BRCA1: variants seen among roughly 807,000 people sequenced by gnomAD.
The protein encoded by BRCA1 is BRCA1 DNA repair associated, also known as breast cancer type 1 susceptibility protein.
BRCA1 carries 140 observed loss-of-function variants against 173.7 expected under a neutral mutation model. The ratio of observed to expected loss-of-function variants is 0.81; its 90% CI spans 0.70 to 0.93. The LOEUF (loss-of-function observed/expected upper bound fraction) is 0.93. BRCA1 is among the 40% of genes least tolerant of loss of function. The pLI is 0.00. For synonymous variants in BRCA1, 662 were observed against 756.0 expected, an observed-to-expected ratio of 0.88 and a Z score of 2.04; for missense variants, 1,983 against 2,172.5, an observed-to-expected ratio of 0.91 and a Z score of 1.73.
intron 1 of BRCA1, among the ~76,000 whole-genome samples, chr17:43,131,483 T>G (rs2055965117): frequency 6.6e-6 from 1 of 152,046 alleles, no homozygotes; most frequent in African/African-American, 2.4e-5. Flanking sequence ...GTGGGAACAG[T>G]AGGGACAGAA....
At position 43,044,808 on chromosome 17, in the gene BRCA1, T is replaced by A. The variant is rs1252316686; in HGVS notation, c.*870A>T. The A allele has an allele frequency of 4.3e-6, 1 of 232,130 alleles. No individual in the cohort carries two copies. The highest frequency in any genetic ancestry group is 4.6e-5 in the Admixed American group (1 of 21,818). The allele number at this position is 232,130 out of a possible 1,614,324, so 14.4% of individuals were successfully genotyped here. On this transcript the variant is annotated 3_prime_UTR_variant, in exon 23 of 23. Coordinates refer to ENST00000357654, the MANE Select transcript of BRCA1 (RefSeq NM_007294.4). ...ATCTCTTCTAGTTTCATTTTCCTTT[T>A]TTTTTTTTTTTTTTTGAGCCACAGT...
At chr17:43,169,977 G>A (rs1193408184) in intron 1 of BRCA1, 1 of 469,688 alleles carries the variant, frequency 2.1e-6, no homozygotes, top group Non-Finnish European at 4.3e-6. Flanking sequence ...TACACTGGCT[G>A]CTTTAATAAG....
chr17:43,057,294 GAGGTC>G (rs2051542550), intron 18 of BRCA1, among the ~76,000 whole-genome samples, 159 bp from the exon 19 acceptor site: 1 of 152,158 alleles, frequency 6.6e-6, no homozygotes, highest in Admixed American at 6.6e-5. Context: ...CAGATCACTT[GAGGTC>G]AGGAGTTCGA....
rs80358032 is a variant in BRCA1, at chr17:43,067,602, G to C, written c.5074+6C>G. 3.2e-5 allele frequency: 51 copies of C among 1,600,484 alleles called. No homozygotes were observed. The highest frequency in any genetic ancestry group is 1.6e-4 in the Middle Eastern group (1 of 6,062). On this transcript the variant is annotated splice_donor_region_variant and intron_variant, in intron 16 of 22. Coordinates refer to ENST00000357654, the MANE Select transcript of BRCA1 (RefSeq NM_007294.4). ...GCAAGGTATTCTGTAAAGGTTCTTG[G>C]TATACCTGTTTTCATAACAACATGA...
chr17:43,059,958 T>C (rs1436008077), intron 18 of BRCA1, among the ~76,000 whole-genome samples: 1 of 152,122 alleles, frequency 6.6e-6, no homozygotes, highest in Non-Finnish European at 1.5e-5. Context: ...CAGCCTGGAG[T>C]GCAGTGGCGC....
At chr17:43,168,533 G>C (rs2056284113) in intron 1 of BRCA1, among the ~76,000 whole-genome samples, 1 of 152,162 alleles carries the variant, frequency 6.6e-6, no homozygotes, top group Non-Finnish European at 1.5e-5. Flanking sequence ...CCAGCTACTC[G>C]GGAGCTGAGG....
At position 43,094,085 on chromosome 17, in the gene BRCA1, A is replaced by G. The variant is rs1597875988; in HGVS notation, c.1446T>C (p.Ile482=). The part of the protein sequence containing the change: ...PNLSHVTENL[I]IGAFVTEPQI... ...GTGGCTCAGTAACAAATGCTCCTAT[A>G]ATTAGATTTTCAGTTACATGGCTTA... The change falls in exon 10 of 23, where the codon ATT becomes ATC. Residue 482 remains isoleucine (I), a synonymous_variant. Coordinates refer to ENST00000357654, the MANE Select transcript of BRCA1 (RefSeq NM_007294.4). 6.2e-7 allele frequency: 1 copy of G among 1,613,876 alleles called. No homozygotes were observed.
intron 20 of BRCA1, 119 bp from the exon 21 acceptor site, chr17:43,049,313 C>G: frequency 2.3e-6 from 2 of 886,484 alleles, no homozygotes; most frequent in Non-Finnish European, 3.7e-6. Flanking sequence ...GAGAGTCTGT[C>G]TCTCTGCTCC....
chr17:43,087,723 T>C (rs2053284484), intron 11 of BRCA1, among the ~76,000 whole-genome samples: 1 of 151,268 alleles, frequency 6.6e-6, no homozygotes, highest in Non-Finnish European at 1.5e-5. Flanking sequence ...TAGATTATAA[T>C]GCACAGAATT....
At chr17:43,143,060 A>G (rs2056090991) in intron 1 of BRCA1, among the ~76,000 whole-genome samples, 1 of 149,396 alleles carries the variant, frequency 6.7e-6, no homozygotes, top group Non-Finnish European at 1.5e-5. Context: ...ATGTGTATAT[A>G]TATATGTATA....
chr17:43,129,558 C>CT (rs1242212915), upstream of BRCA1, among the ~76,000 whole-genome samples: 1 of 151,926 alleles, frequency 6.6e-6, no homozygotes, highest in African/African-American at 2.4e-5. Flanking sequence ...ACTGCGAACT[C>CT]TGTCTCCCGG....
chr17:43,159,357 T>C (rs2056219370), intron 1 of BRCA1: 2 of 158,248 alleles, frequency 1.3e-5, no homozygotes, highest in Admixed American at 6.5e-5. Flanking sequence ...GCGGCTGGCC[T>C]GGCAGGGGCT....
upstream of BRCA1, among the ~76,000 whole-genome samples, chr17:43,128,257 CAACTCCAGACGGGAGGAACGAACA>C (rs1304872154): frequency 6.6e-6 from 1 of 152,046 alleles, no homozygotes; most frequent in African/African-American, 2.4e-5. Context: ...GAGGAATGAA[CAACTCCAGACGGGAGGAACGAACA>C]AACTCCAGAC....
At chr17:43,168,840 A>G (rs1012796823) in intron 1 of BRCA1, among the ~76,000 whole-genome samples, 3 of 152,108 alleles carry the variant, frequency 2.0e-5, no homozygotes, top group African/African-American at 7.2e-5. Context: ...TGACCGGGTA[A>G]GTGGTGAGCT....
intron 12 of BRCA1, among the ~76,000 whole-genome samples, chr17:43,080,104 T>G (rs989029240): frequency 6.6e-6 from 1 of 152,154 alleles, no homozygotes; most frequent in African/African-American, 2.4e-5. Flanking sequence ...TTTCAGAATA[T>G]TATTGTAGTT....
intron 1 of BRCA1, among the ~76,000 whole-genome samples, chr17:43,141,891 G>A (rs1233056056): frequency 2.0e-5 from 3 of 152,130 alleles, no homozygotes; most frequent in African/African-American, 7.2e-5. Flanking sequence ...TGGGAGCCCA[G>A]CAGTGCAAGG....
At chr17:43,076,308 T>C (rs535139220) in intron 13 of BRCA1, among the ~76,000 whole-genome samples, 180 bp downstream of exon 13, 2 of 152,030 alleles carry the variant, frequency 1.3e-5, no homozygotes, top group East Asian at 3.9e-4. Flanking sequence ...TTGTAGCTTA[T>C]GTTATAGGTT....
intron 3 of BRCA1, chr17:43,110,332 A>G (rs915243680): frequency 5.1e-6 from 1 of 196,888 alleles, no homozygotes; most frequent in African/African-American, 2.3e-5. Flanking sequence ...CACACCTGTA[A>G]TCCTAGCACT....
rs1487423872 is a variant in BRCA1, at chr17:43,063,142, A to G, written c.5193+191T>C. 3.9e-5 allele frequency among the ~76,000 whole-genome samples: 6 copies of G among 152,128 alleles called. No homozygotes were observed. Among genetic ancestry groups the G allele is most frequent in the Non-Finnish European group, 7.4e-5 (5 of 68,016 alleles). ...CGACATCAGGTGATCCAAGCGCCTCAGCCTCCCAAAGCGCTGGGATTATAG... is the reference window on the plus strand; with the variant it reads ...CGACATCAGGTGATCCAAGCGCCTCGGCCTCCCAAAGCGCTGGGATTATAG... On this transcript the variant is annotated intron_variant, in intron 18 of 22. Coordinates refer to ENST00000357654, the MANE Select transcript of BRCA1 (RefSeq NM_007294.4).
Sources: gnomAD v4.1 joint callset for allele counts (sites outside exome capture counted in the v4.1 genomes callset) on GRCh38, gnomAD v4.1.1 for gene constraint, MANE v1.5 for transcripts, NCBI Gene and HGNC (gene_info 2026-07-23, HGNC 2026-07-21) for gene names.